SDS: variants seen among roughly 807,000 people sequenced by gnomAD.
SDS encodes the protein L-serine dehydratase/L-threonine deaminase.
In SDS, 19 loss-of-function variants were observed where a neutral mutation model predicts 29.3. The ratio of observed to expected loss-of-function variants is 0.65; its 90% CI spans 0.45 to 0.95. SDS has a LOEUF of 0.95. SDS is among the 40% of genes least tolerant of loss of function. The probability of loss-of-function intolerance (pLI) is 0.00; values close to 1 mark genes in which losing one functional copy is unlikely to be tolerated. For missense variants in SDS, 375 were observed against 439.9 expected (o/e 0.85, Z 1.32); for synonymous variants, 176 against 189.0 (o/e 0.93, Z 0.56).
chr12:113,399,676 G>A lies in SDS; in HGVS notation c.33C>T (p.Thr11=). Residue 11 remains threonine (T), a synonymous_variant, in exon 2 of 8, where the codon ACC becomes ACT. Coordinates refer to ENST00000257549, the MANE Select transcript of SDS (RefSeq NM_006843.3). ...ACAGGGCCATGCTGTCACGGATGGG[G>A]GTCTTCACGTGCAGGGGTTCTCCAG... MMSGEPLHVK[T]PIRDSMALSK... The A allele has an allele frequency of 6.3e-7, 1 of 1,597,238 alleles. No homozygotes were observed. The highest frequency in any genetic ancestry group is 8.5e-7 in the Non-Finnish European group (1 of 1,173,816).
In SDS at chr12:113,392,938, T is replaced by C; in HGVS notation, c.*3A>G. The C allele has an allele frequency of 1.2e-6, 2 of 1,613,932 alleles. No individual in the cohort carries two copies. Among genetic ancestry groups the C allele is most frequent in the Non-Finnish European group, 1.7e-6 (2 of 1,179,898 alleles). ...AGAGCACAGATCGGTAAGGGGTCCG[T>C]CCTCACTTGGGCAACCTATTTGTCA... is the stretch of plus-strand genomic sequence containing the variant. On this transcript the variant is annotated 3_prime_UTR_variant, in exon 8 of 8. Transcript: ENST00000257549.
In SDS at chr12:113,392,705, G is replaced by A; in HGVS notation, c.*236C>T. The A allele has an allele frequency of 1.9e-6, 1 of 526,254 alleles. No homozygotes were observed. The highest frequency in any genetic ancestry group is 3.5e-5 in the East Asian group (1 of 28,960). The allele number at this position is 526,254 out of a possible 1,614,324, so 32.6% of individuals were successfully genotyped here. The stretch of plus-strand genomic sequence containing the variant: ...TTACTTGTGGGCACTTGTCACGCCA[G>A]CAAGTTGGCTAAGGATGGGCACAGA... On this transcript the variant is annotated 3_prime_UTR_variant, in exon 8 of 8. Coordinates refer to ENST00000257549, the MANE Select transcript of SDS (RefSeq NM_006843.3).
intron 6 of SDS, among the ~76,000 whole-genome samples, chr12:113,394,224 G>A (rs1957631112): frequency 6.6e-6 from 1 of 151,990 alleles, no homozygotes; most frequent in Admixed American, 6.6e-5. Context: ...GGTGCAGAGT[G>A]TTTGAATTGA....
intron 1 of SDS, among the ~76,000 whole-genome samples, chr12:113,401,232 G>A (rs998830819): frequency 1.3e-5 from 2 of 152,010 alleles, no homozygotes; most frequent in African/African-American, 4.8e-5. Context: ...ACTCATAGTA[G>A]ATGTTCAATA....
At chr12:113,397,988 G>A (rs1339157414) in intron 5 of SDS, among the ~76,000 whole-genome samples, 2 of 152,132 alleles carry the variant, frequency 1.3e-5, no homozygotes, top group Non-Finnish European at 2.9e-5. Context: ...TGTTGCATGT[G>A]CAGCCGTGGA....
chr12:113,398,402 A>T, intron 5 of SDS, 113 bp downstream of exon 5: 1 of 712,558 alleles, frequency 1.4e-6, no homozygotes, highest in South Asian at 1.7e-5. Context: ...GTGTGCGCAC[A>T]CATGTGCAGC....
Position 113,392,532 on chromosome 12 carries a change from G to A in SDS, c.*409C>T, listed in dbSNP as rs1239098658. The A allele has an allele frequency of 1.0e-5, 2 of 194,438 alleles. No homozygotes were observed. The highest frequency in any genetic ancestry group is 2.4e-5 in the African/African-American group (1 of 42,220). The allele number at this position is 194,438 out of a possible 1,614,324, so 12.0% of individuals were successfully genotyped here. On this transcript the variant is annotated 3_prime_UTR_variant, in exon 8 of 8. Coordinates refer to ENST00000257549, the MANE Select transcript of SDS (RefSeq NM_006843.3). Reference sequence around the variant, plus strand: ...GGGTCAGGGGTGGGCTTCCTGGGAGGATGGCTGAGATGGTTCCTCAACCCT... The same window carrying A: ...GGGTCAGGGGTGGGCTTCCTGGGAGAATGGCTGAGATGGTTCCTCAACCCT...
In SDS at chr12:113,399,268, G is replaced by T. The variant is rs1039120889; in HGVS notation, c.154-117C>A. The T allele has an allele frequency of 2.6e-6, 3 of 1,151,948 alleles. No individual in the cohort carries two copies. In the Admixed American group the frequency reaches 5.9e-5, roughly 23 times the overall value. 71.4% of individuals were successfully genotyped at this position (1,151,948 alleles called of 1,614,324 possible). On this transcript the variant is annotated intron_variant, in intron 2 of 7. Transcript: ENST00000257549. The stretch of plus-strand genomic sequence containing the variant: ...TGGACACGGACGTTTCCTTCACTCA[G>T]AATTTGTTCTACCCTTGTCTGAGAC...
chr12:113,395,188 A>T (rs1168930107), intron 6 of SDS, among the ~76,000 whole-genome samples: 3 of 152,136 alleles, frequency 2.0e-5, no homozygotes, highest in African/African-American at 7.2e-5. Flanking sequence ...CAATGTGTTG[A>T]CGCTGTCCCC....
Position 113,399,545 on chromosome 12 carries a change from C to A in SDS, c.153+11G>T. 6.4e-7 allele frequency: 1 copy of A among 1,556,618 alleles called. No homozygotes were observed. Among genetic ancestry groups the A allele is most frequent in the East Asian group, 2.3e-5 (1 of 43,884 alleles). On this transcript the variant is annotated intron_variant, in intron 2 of 7. Coordinates refer to ENST00000257549, the MANE Select transcript of SDS (RefSeq NM_006843.3). ...CACCCCTGCCCAGATAATGCTGACCCGGTCCCGTACCCTCTTGCAGAAGTG... is the reference window on the plus strand; with the variant it reads ...CACCCCTGCCCAGATAATGCTGACCAGGTCCCGTACCCTCTTGCAGAAGTG...
intron 1 of SDS, among the ~76,000 whole-genome samples, chr12:113,402,477 G>A (rs1186627896): frequency 6.6e-6 from 1 of 152,154 alleles, no homozygotes. Flanking sequence ...ATTTTTAGTG[G>A]AGACAAGGTT....
At position 113,398,828 on chromosome 12, in the gene SDS, G is replaced by A. The variant is rs143831842; in HGVS notation, c.212C>T (p.Ala71Val). ...VCSSAGNAGMAAAYAARQLGV... is the reference protein window; with the variant it reads ...VCSSAGNAGMVAAYAARQLGV... Reference sequence around the variant, plus strand: ...GAGTTGCCTGGCCGCATATGCAGCCGCCATGCCTGCGTTGCCCGCTGCCAG... The same window carrying A: ...GAGTTGCCTGGCCGCATATGCAGCCACCATGCCTGCGTTGCCCGCTGCCAG... Residue 71 changes from alanine (A) to valine (V), a missense_variant, in exon 4 of 8, where the codon GCG (alanine) becomes GTG (valine). Coordinates refer to ENST00000257549, the MANE Select transcript of SDS (RefSeq NM_006843.3). 1.4e-5 allele frequency: 22 copies of A among 1,607,390 alleles called. No individual in the cohort carries two copies. The highest frequency in any genetic ancestry group is 3.4e-5 in the Admixed American group (2 of 58,784).
At chr12:113,395,121 T>C (rs962376609) in intron 6 of SDS, among the ~76,000 whole-genome samples, 26 of 152,038 alleles carry the variant, frequency 1.7e-4, no homozygotes, top group African/African-American at 6.3e-4. Flanking sequence ...ACCTAGGGAG[T>C]GCTGGAGCTG....
rs774468925 is a variant in SDS at position 113,398,781 on chromosome 12, C to T, written c.259G>A (p.Val87Met). The T allele has an allele frequency of 2.1e-5, 34 of 1,613,986 alleles. No homozygotes were observed. Among genetic ancestry groups the T allele is most frequent in the Non-Finnish European group, 2.9e-5 (34 of 1,179,998 alleles). Reference sequence around the variant, plus strand: ...GTGAGAGCAGGTGTGGTGCTGGGCACCACGATGGTGGCGGGGACGCCGAGT... The same window carrying T: ...GTGAGAGCAGGTGTGGTGCTGGGCATCACGATGGTGGCGGGGACGCCGAGT... ...RQLGVPATIVVPSTTPALTIE... is the reference protein window; with the variant it reads ...RQLGVPATIVMPSTTPALTIE... The change falls in exon 4 of 8, where the codon GTG becomes ATG. Residue 87 changes from valine to methionine, a missense_variant. By Grantham distance (21) the Val-to-Met change is conservative. Coordinates refer to ENST00000257549, the MANE Select transcript of SDS (RefSeq NM_006843.3).
At chr12:113,394,750 C>G (rs1385350512) in intron 6 of SDS, among the ~76,000 whole-genome samples, 1 of 152,084 alleles carries the variant, frequency 6.6e-6, no homozygotes, top group East Asian at 1.9e-4. Flanking sequence ...CCTTGTTGTT[C>G]CCTGCTAGGA....
intron 6 of SDS, among the ~76,000 whole-genome samples, chr12:113,394,879 T>G (rs1301233307): frequency 6.6e-6 from 1 of 152,098 alleles, no homozygotes; most frequent in Admixed American, 6.6e-5. Flanking sequence ...GGCCACCTCC[T>G]CCAAGGAGTC....
intron 7 of SDS, 124 bp from the exon 8 acceptor site, chr12:113,393,273 A>C: frequency 1.0e-6 from 1 of 956,030 alleles, no homozygotes; most frequent in Non-Finnish European, 1.6e-6. Context: ...CTGCAGCCGC[A>C]GGTCCTGAAC....
rs1469810823 is a variant in SDS, at chr12:113,397,444, A to T, written c.426-52T>A. 1.2e-5 allele frequency: 17 copies of T among 1,473,022 alleles called. No individual in the cohort carries two copies. In the South Asian group the frequency reaches 2.1e-4, roughly 18 times the overall value. The allele number at this position is 1,473,022 out of a possible 1,614,324, so 91.2% of individuals were successfully genotyped here. On this transcript the variant is annotated intron_variant, in intron 5 of 7. Transcript: ENST00000257549. ...GGTCAGGGCTAGGCTTCCTGGAGAC[A>T]CCAGCTCAGGTTTGCACCGGCCTTA...
intron 1 of SDS, among the ~76,000 whole-genome samples, chr12:113,400,211 T>G (rs1021206384): frequency 5.3e-5 from 8 of 151,904 alleles, no homozygotes; most frequent in Non-Finnish European, 2.9e-5. Context: ...GAGAATCACT[T>G]GAACCCAGGA....
Sources: gnomAD v4.1 joint callset for allele counts (sites outside exome capture counted in the v4.1 genomes callset) on GRCh38, gnomAD v4.1.1 for gene constraint, MANE v1.5 for transcripts, NCBI Gene and HGNC (gene_info 2026-07-23, HGNC 2026-07-21) for gene names.